SLC7A5: variants seen among roughly 807,000 people sequenced by gnomAD.
SLC7A5 encodes the protein large neutral amino acids transporter small subunit 1.
A neutral mutation model predicts 50.2 loss-of-function variants in SLC7A5; 23 were observed. That is an observed-to-expected ratio of 0.46 (90% CI 0.33 to 0.65). The LOEUF (loss-of-function observed/expected upper bound fraction) is 0.65, where lower values mean the gene tolerates loss of function less well. SLC7A5 is among the 30% of genes least tolerant of loss of function. The probability of loss-of-function intolerance (pLI) is 0.02; values close to 1 mark genes in which losing one functional copy is unlikely to be tolerated. For missense variants in SLC7A5, 578 were observed against 684.4 expected (o/e 0.84, Z 1.73); for synonymous variants, 393 against 330.6 (o/e 1.19, Z -2.05).
chr16:87,862,457 C>G lies in SLC7A5; in HGVS notation c.538+6428G>C, dbSNP rs541313453. On this transcript the variant is annotated intron_variant, in intron 1 of 9. Coordinates refer to ENST00000261622, the MANE Select transcript of SLC7A5 (RefSeq NM_003486.7). This position sits in a 1 kb window ranked among gnomAD's most constrained non-coding sequence, Gnocchi z 5.3. ...TGGCGATTCCTACTTCCACCCATAG[C>G]CCCCCGACCCTGGGCCTGTGCCGAG... Among the ~76,000 whole-genome samples the G allele has an allele frequency of 6.6e-6, 1 of 152,358 alleles. No individual in the cohort carries two copies. Among genetic ancestry groups the G allele is most frequent in the South Asian group, 2.1e-4 (1 of 4,830 alleles).
At chr16:87,834,800 C>T in intron 8 of SLC7A5, 1 of 616,580 alleles carries the variant, frequency 1.6e-6, no homozygotes, top group Admixed American at 2.6e-5. Context: ...GCCAGGGGCT[C>T]AGGCGGCTTA....
intron 9 of SLC7A5, 133 bp downstream of exon 9, chr16:87,834,281 A>G: frequency 1.2e-6 from 1 of 817,606 alleles, no homozygotes; most frequent in Non-Finnish European, 2.1e-6. Context: ...ACTGGCGGAC[A>G]CTGCAGTGAC....
intron 1 of SLC7A5, among the ~76,000 whole-genome samples, chr16:87,856,718 G>C (rs1476884994): frequency 6.6e-6 from 1 of 152,196 alleles, no homozygotes. Context: ...AGTAGAACCA[G>C]TACCTTCCTC....
At position 87,830,089 on chromosome 16, in the gene SLC7A5, CA is replaced by C. The variant is rs1313738064; in HGVS notation, c.*2880del. Reference sequence around the variant, plus strand: ...AAAAGCCAGAACACCCTACCCAACCCAGCCCAGTGTAACAGGTTAGCCATTA... The same window carrying C: ...AAAAGCCAGAACACCCTACCCAACCCGCCCAGTGTAACAGGTTAGCCATTA... On this transcript the variant is annotated 3_prime_UTR_variant, in exon 10 of 10. Coordinates refer to ENST00000261622, the MANE Select transcript of SLC7A5 (RefSeq NM_003486.7). 6.6e-6 allele frequency: 1 copy of C among 152,228 alleles called. No homozygotes were observed. The highest frequency in any genetic ancestry group is 2.1e-4 in the South Asian group (1 of 4,826). 9.4% of individuals were successfully genotyped at this position (152,228 alleles called of 1,614,324 possible).
At chr16:87,865,405 G>C (rs1222206867) in intron 1 of SLC7A5, among the ~76,000 whole-genome samples, 2 of 152,146 alleles carry the variant, frequency 1.3e-5, no homozygotes, top group African/African-American at 4.8e-5. Context: ...GGACCAAAAG[G>C]ACTGCTTGGA....
At chr16:87,843,873 G>A (rs2055114203) in intron 2 of SLC7A5, among the ~76,000 whole-genome samples, 1 of 152,182 alleles carries the variant, frequency 6.6e-6, no homozygotes, top group Admixed American at 6.5e-5. Flanking sequence ...CCCCTGCCGG[G>A]AGGACAGGAC....
chr16:87,860,269 G>T lies in SLC7A5; in HGVS notation c.539-8420C>A, dbSNP rs1335580094. ...AATCACTTGAACCCAGGAGGCGGAG[G>T]TTGCAGTGAACTGAGATCATACCAC... On this transcript the variant is annotated intron_variant, in intron 1 of 9. Coordinates refer to ENST00000261622, the MANE Select transcript of SLC7A5 (RefSeq NM_003486.7). The surrounding 1 kb of genome is among the most constrained non-coding windows in gnomAD (Gnocchi z 4.8). Among the ~76,000 whole-genome samples, 2 of 148,706 alleles carry T rather than the reference G, an allele frequency of 1.3e-5. No individual in the cohort carries two copies. Among genetic ancestry groups the T allele is most frequent in the Non-Finnish European group, 3.0e-5 (2 of 67,432 alleles).
At position 87,841,743 on chromosome 16, in the gene SLC7A5, G is replaced by A. The variant is rs1000478920; in HGVS notation, c.665-588C>T. On this transcript the variant is annotated intron_variant, in intron 2 of 9. Coordinates refer to ENST00000261622, the MANE Select transcript of SLC7A5 (RefSeq NM_003486.7). The surrounding 1 kb of genome is among the most constrained non-coding windows in gnomAD (Gnocchi z 4.8). The stretch of plus-strand genomic sequence containing the variant: ...GGGCAGGAGCAGGGCTGCCAGGGCC[G>A]AGAACGATCCCCGTGCTGTGTGCAG... 3.3e-5 allele frequency among the ~76,000 whole-genome samples: 5 copies of A among 152,214 alleles called. No homozygotes were observed. The highest frequency in any genetic ancestry group is 9.6e-5 in the African/African-American group (4 of 41,456).
rs546176308 is a variant in SLC7A5, at chr16:87,838,178, C to T, written c.1044-237G>A. Among the ~76,000 whole-genome samples the T allele has an allele frequency of 3.0e-4, 45 of 152,280 alleles. No individual in the cohort carries two copies. In the South Asian group the frequency reaches 7.5e-3, roughly 25 times the overall value. ...CACTCCAGCCCGGGGGGTCAAGCGG[C>T]GGCCACAGGGCATCTAGGACACCAC... On this transcript the variant is annotated intron_variant, in intron 6 of 9. Coordinates refer to ENST00000261622, the MANE Select transcript of SLC7A5 (RefSeq NM_003486.7).
chr16:87,862,718 C>T lies in SLC7A5; in HGVS notation c.538+6167G>A, dbSNP rs942609198. On this transcript the variant is annotated intron_variant, in intron 1 of 9. Transcript: ENST00000261622. This position sits in a 1 kb window ranked among gnomAD's most constrained non-coding sequence, Gnocchi z 5.3. ...CCTTCACACGCAGAGGCCTGGGATT[C>T]CCAGACACCTGGCGCTGGGGCCAAT... 1.3e-5 allele frequency among the ~76,000 whole-genome samples: 2 copies of T among 152,246 alleles called. No individual in the cohort carries two copies. Among genetic ancestry groups the T allele is most frequent in the African/African-American group, 4.8e-5 (2 of 41,464 alleles).
rs1241021000 is a variant in SLC7A5, at chr16:87,853,040, C to G, written c.539-1191G>C. 1.3e-5 allele frequency among the ~76,000 whole-genome samples: 2 copies of G among 152,328 alleles called. No individual in the cohort carries two copies. Among genetic ancestry groups the G allele is most frequent in the East Asian group, 3.9e-4 (2 of 5,184 alleles). Reference sequence around the variant, plus strand: ...CACCCACACAGCTCAGATCTCACAGCCCTCCCGGCACCGCACCACTAAGAC... The same window carrying G: ...CACCCACACAGCTCAGATCTCACAGGCCTCCCGGCACCGCACCACTAAGAC... On this transcript the variant is annotated intron_variant, in intron 1 of 9. Transcript: ENST00000261622. This position sits in a 1 kb window ranked among gnomAD's most constrained non-coding sequence, Gnocchi z 4.4.
rs1258307959 is a variant in SLC7A5 at position 87,837,957 on chromosome 16, A to T, written c.1044-16T>A. 15 of 1,584,806 alleles carry T rather than the reference A, an allele frequency of 9.5e-6. 2 individuals are homozygous for T. In the South Asian group the frequency reaches 1.3e-4, roughly 13 times the overall value. Reference sequence around the variant, plus strand: ...GAAGAAGAGCCTGTGGACAGACAAGAGTGGCAGAGTCAGCCACCGCCCCAC... The same window carrying T: ...GAAGAAGAGCCTGTGGACAGACAAGTGTGGCAGAGTCAGCCACCGCCCCAC... On this transcript the variant is annotated splice_polypyrimidine_tract_variant and intron_variant, in intron 6 of 9. Transcript: ENST00000261622.
rs2055257780 is a variant in SLC7A5 at position 87,853,022 on chromosome 16, A to G, written c.539-1173T>C. Among the ~76,000 whole-genome samples the G allele has an allele frequency of 6.6e-6, 1 of 152,212 alleles. No homozygotes were observed. Among genetic ancestry groups the G allele is most frequent in the South Asian group, 2.1e-4 (1 of 4,832 alleles). On this transcript the variant is annotated intron_variant, in intron 1 of 9. Coordinates refer to ENST00000261622, the MANE Select transcript of SLC7A5 (RefSeq NM_003486.7). The surrounding 1 kb of genome is among the most constrained non-coding windows in gnomAD (Gnocchi z 4.4). ...CAAAGGCCCAGCACGGGCCACCCAC[A>G]CAGCTCAGATCTCACAGCCCTCCCG... is the stretch of plus-strand genomic sequence containing the variant.
At position 87,834,467 on chromosome 16, in the gene SLC7A5, T is replaced by C; in HGVS notation, c.1415A>G (p.Tyr472Cys). ...GTTTTTCCACCAGACCCCGAAGAAG[T>C]AGACGGGCAGCCCGCTGAGGATGAT... ...FTIILSGLPV[Y>C]FFGVWWKNKP... Residue 472 changes from tyrosine to cysteine, a missense_variant, in exon 9 of 10, where the codon TAC (tyrosine) becomes TGC (cysteine). Coordinates refer to ENST00000261622, the MANE Select transcript of SLC7A5 (RefSeq NM_003486.7). The C allele has an allele frequency of 6.4e-7, 1 of 1,568,806 alleles. No individual in the cohort carries two copies. The highest frequency in any genetic ancestry group is 8.6e-7 in the Non-Finnish European group (1 of 1,156,940).
rs1336001314 is a variant in SLC7A5 at position 87,845,528 on chromosome 16, C to A, written c.665-4373G>T. The stretch of plus-strand genomic sequence containing the variant: ...AGTCCATGCCCACTCCAGGCAGAGT[C>A]CACGCCCACCCCACGGAGTCCACGC... On this transcript the variant is annotated intron_variant, in intron 2 of 9. Coordinates refer to ENST00000261622, the MANE Select transcript of SLC7A5 (RefSeq NM_003486.7). 2.0e-5 allele frequency among the ~76,000 whole-genome samples: 3 copies of A among 151,496 alleles called. No homozygotes were observed. In the East Asian group the frequency reaches 5.8e-4, roughly 29 times the overall value.
chr16:87,850,261 G>A lies in SLC7A5; in HGVS notation c.664+1463C>T, dbSNP rs995187875. Among the ~76,000 whole-genome samples, 7 of 152,330 alleles carry A rather than the reference G, an allele frequency of 4.6e-5. No homozygotes were observed. In the East Asian group the frequency reaches 7.7e-4, roughly 17 times the overall value. ...CACCAGTGGCACGGTGCACACAGGA[G>A]AGCCTCCCAGCCCTGAGGCAGGGCC... On this transcript the variant is annotated intron_variant, in intron 2 of 9. Coordinates refer to ENST00000261622, the MANE Select transcript of SLC7A5 (RefSeq NM_003486.7).
chr16:87,855,702 C>T (rs1324322836), intron 1 of SLC7A5, among the ~76,000 whole-genome samples: 1 of 152,104 alleles, frequency 6.6e-6, no homozygotes, highest in East Asian at 1.9e-4. Flanking sequence ...GGATGATCCC[C>T]CAGGGTCCAG....
In SLC7A5 at chr16:87,830,205, G is replaced by A. The variant is rs1376514666; in HGVS notation, c.*2765C>T. ...GGCCGACGTCACAGTGGATGGCCCT[G>A]CGTGGCTGGGACACAGACAGGGAGC... is the stretch of plus-strand genomic sequence containing the variant. On this transcript the variant is annotated 3_prime_UTR_variant, in exon 10 of 10. Coordinates refer to ENST00000261622, the MANE Select transcript of SLC7A5 (RefSeq NM_003486.7). 1 of 152,272 alleles carries A rather than the reference G, an allele frequency of 6.6e-6. No homozygotes were observed. The highest frequency in any genetic ancestry group is 1.5e-5 in the Non-Finnish European group (1 of 68,058). The allele number at this position is 152,272 out of a possible 1,614,324, so 9.4% of individuals were successfully genotyped here.
At position 87,860,397 on chromosome 16, in the gene SLC7A5, CACATAT is replaced by C. The variant is rs1246288532; in HGVS notation, c.538+8482_538+8487del. On this transcript the variant is annotated intron_variant, in intron 1 of 9. Coordinates refer to ENST00000261622, the MANE Select transcript of SLC7A5 (RefSeq NM_003486.7). The surrounding 1 kb of genome is among the most constrained non-coding windows in gnomAD (Gnocchi z 4.8). Reference sequence around the variant, plus strand: ...ACACACACACACACACACACACACACACATATATATATAAAGAAAAAGGAAATCTTC... The same window carrying C: ...ACACACACACACACACACACACACACATATATAAAGAAAAAGGAAATCTTC... 2.7e-3 allele frequency among the ~76,000 whole-genome samples: 186 copies of C among 68,862 alleles called. 5 individuals are homozygous for C. Among genetic ancestry groups the C allele is most frequent in the African/African-American group, 0.01 (175 of 17,376 alleles). 45.2% of individuals were successfully genotyped at this position (68,862 alleles called of 152,430 possible).
Sources: gnomAD v4.1 joint callset for allele counts (sites outside exome capture counted in the v4.1 genomes callset) on GRCh38, gnomAD v4.1.1 for gene constraint, Gnocchi (gnomAD v3.1) non-coding constraint, MANE v1.5 for transcripts, NCBI Gene and HGNC (gene_info 2026-07-23, HGNC 2026-07-21) for gene names.